Variants in P4HTM observed in about 807,000 individuals in gnomAD.
The protein encoded by P4HTM is prolyl 4-hydroxylase, transmembrane, also known as transmembrane prolyl 4-hydroxylase.
In P4HTM, 33 loss-of-function variants were observed where a neutral mutation model predicts 55.3. The observed-to-expected ratio is 0.60, with a 90% CI of 0.45 to 0.80. The LOEUF (loss-of-function observed/expected upper bound fraction) is 0.80. Ranked by LOEUF, P4HTM falls within the 30% of genes least tolerant of loss-of-function variation. The pLI is 0.00. For missense variants in P4HTM, 542 were observed against 696.5 expected (o/e 0.78, Z 2.50); for synonymous variants, 272 against 286.4 (o/e 0.95, Z 0.51).
rs1364859164 is a variant in P4HTM, at chr3:49,002,735, G to A, written c.724+139G>A. Reference sequence around the variant, plus strand: ...CTTTATAGTGGCCAGAGATGGGGAGGTGAAGATCCAGCCTTGCTTTTTACC... The same window carrying A: ...CTTTATAGTGGCCAGAGATGGGGAGATGAAGATCCAGCCTTGCTTTTTACC... On this transcript the variant is annotated intron_variant, in intron 4 of 8. Transcript: ENST00000383729. The surrounding 1 kb of genome is among the most constrained non-coding windows in gnomAD (Gnocchi z 4.4). The A allele has an allele frequency of 1.2e-5, 9 of 737,740 alleles. No homozygotes were observed. In the East Asian group the frequency reaches 2.1e-4, roughly 17 times the overall value. The allele number at this position is 737,740 out of a possible 1,614,324, so 45.7% of individuals were successfully genotyped here.
intron 5 of P4HTM, 99 bp from the exon 6 acceptor site, chr3:49,004,762 G>T: frequency 7.9e-7 from 1 of 1,273,578 alleles, no homozygotes; most frequent in Non-Finnish European, 1.1e-6. Flanking sequence ...GAGGTGGGTA[G>T]GGGCAAAGCT....
intron 2 of P4HTM, 114 bp downstream of exon 2, chr3:48,991,028 C>A: frequency 4.0e-6 from 3 of 747,360 alleles, no homozygotes; most frequent in Non-Finnish European, 4.6e-6. Flanking sequence ...CAGAGCAGCC[C>A]TTCCAGAGGA....
intron 6 of P4HTM, chr3:49,005,430 A>G: frequency 7.2e-7 from 1 of 1,391,658 alleles, no homozygotes; most frequent in East Asian, 2.7e-5. Flanking sequence ...TTTCCTCTTC[A>G]GGTGGCTGTT....
intron 2 of P4HTM, chr3:48,998,274 CA>C (rs2092951486): frequency 6.6e-6 from 1 of 152,294 alleles, no homozygotes; most frequent in South Asian, 2.1e-4. Context: ...GATGGCTGGC[CA>C]GGGGTAGCTG....
chr3:49,004,985 A>G lies in P4HTM; in HGVS notation c.1012A>G (p.Thr338Ala), dbSNP rs1245218502. ...HVDSGPVYPE[T>A]ICSHTKLVAN... ...GGACAGTGGGCCTGTGTACCCAGAGACCATCTGCTCCCATACCAAGCTGGT... is the reference window on the plus strand; with the variant it reads ...GGACAGTGGGCCTGTGTACCCAGAGGCCATCTGCTCCCATACCAAGCTGGT... The change falls in exon 6 of 9, where the codon ACC becomes GCC. Residue 338 changes from threonine to alanine, a missense_variant. Thr to Ala is a moderately conservative substitution (Grantham distance 58, BLOSUM62 0). This residue lies in a region of P4HTM where 536 missense variants were observed against 672.1 expected (regional missense o/e 0.80). Coordinates refer to ENST00000383729, the MANE Select transcript of P4HTM (RefSeq NM_177939.3). 1 of 1,614,038 alleles carries G rather than the reference A, an allele frequency of 6.2e-7. No individual in the cohort carries two copies.
intron 2 of P4HTM, among the ~76,000 whole-genome samples, chr3:48,993,177 C>G (rs554159657): frequency 1.1e-4 from 16 of 152,110 alleles, no homozygotes; most frequent in African/African-American, 3.9e-4. Context: ...TGGCACATGC[C>G]TGTAATCCCA....
At chr3:49,001,000 C>T (rs968268258) in intron 2 of P4HTM, 3 of 269,364 alleles carry the variant, frequency 1.1e-5, no homozygotes, top group African/African-American at 6.6e-5. Context: ...ATGTCTTGTG[C>T]TGTTTTTATT....
Position 49,004,884 on chromosome 3 carries a change from C to A in P4HTM, c.911C>A (p.Ser304Ter), listed in dbSNP as rs568151159. The A allele has an allele frequency of 6.2e-7, 1 of 1,610,798 alleles. No homozygotes were observed. The highest frequency in any genetic ancestry group is 1.1e-5 in the South Asian group (1 of 91,042). The change falls in exon 6 of 9, where the codon TCG becomes TAG. Residue 304 changes from serine to a stop codon, truncating the protein, a stop_gained. Coordinates refer to ENST00000383729, the MANE Select transcript of P4HTM (RefSeq NM_177939.3). LOFTEE classifies it high-confidence loss of function. ...RQRVLRLTRLSPEIVELSEPL... is the reference protein window; with the variant it reads ...RQRVLRLTRL ...AGGGTGCTGCGCCTCACTCGCCTGTCGCCTGAGATCGTGGAGCTCAGCGAG... is the reference window on the plus strand; with the variant it reads ...AGGGTGCTGCGCCTCACTCGCCTGTAGCCTGAGATCGTGGAGCTCAGCGAG...
At position 49,006,863 on chromosome 3, in the gene P4HTM, T is replaced by C. The variant is rs965396712; in HGVS notation, c.1465T>C (p.Trp489Arg). 6.2e-7 allele frequency: 1 copy of C among 1,613,008 alleles called. No individual in the cohort carries two copies. The highest frequency in any genetic ancestry group is 8.5e-7 in the Non-Finnish European group (1 of 1,179,956). ...REGGTDSQPE[W>R]ALDRAYRDAR... ...AGGGGGCACCGACTCACAGCCCGAGTGGGCTCTGGACCGGGCCTACCGCGA... is the reference window on the plus strand; with the variant it reads ...AGGGGGCACCGACTCACAGCCCGAGCGGGCTCTGGACCGGGCCTACCGCGA... The change falls in exon 9 of 9, where the codon TGG becomes CGG. Residue 489 changes from tryptophan to arginine, a missense_variant. Around this residue, in one of 2 missense-constraint regions of P4HTM, gnomAD observed 536 missense variants for 672.1 expected, o/e 0.80. Coordinates refer to ENST00000383729, the MANE Select transcript of P4HTM (RefSeq NM_177939.3).
chr3:48,994,359 T>C (rs1429788743), intron 2 of P4HTM, among the ~76,000 whole-genome samples: 2 of 152,184 alleles, frequency 1.3e-5, no homozygotes, highest in African/African-American at 4.8e-5. Context: ...AGATGTGAGC[T>C]GGGGCAAGGG....
intron 5 of P4HTM, 161 bp from the exon 6 acceptor site, chr3:49,004,700 C>A (rs1350967390): frequency 5.9e-6 from 4 of 676,828 alleles, no homozygotes; most frequent in Admixed American, 5.1e-5. Context: ...CATGAGTAAC[C>A]CCCTCCTGCT....
intron 2 of P4HTM, chr3:48,997,458 C>G (rs919597947): frequency 1.3e-5 from 2 of 152,342 alleles, no homozygotes; most frequent in African/African-American, 4.8e-5. Context: ...TCTTCAGCAC[C>G]TCTAGTCTGG....
At chr3:48,998,231 A>G (rs2092951348) in intron 2 of P4HTM, 1 of 152,224 alleles carries the variant, frequency 6.6e-6, no homozygotes, top group Admixed American at 6.5e-5. Context: ...TGATACAGAG[A>G]TCATGGCCCA....
At chr3:48,992,843 T>C (rs943570432) in intron 2 of P4HTM, among the ~76,000 whole-genome samples, 2 of 151,220 alleles carry the variant, frequency 1.3e-5, no homozygotes, top group African/African-American at 4.8e-5. Context: ...TTTTTTGCAT[T>C]TTTAGTAGAG....
chr3:48,990,994 C>T lies in P4HTM; in HGVS notation c.436+80C>T. 14 of 1,076,450 alleles carry T rather than the reference C, an allele frequency of 1.3e-5. No individual in the cohort carries two copies. The highest frequency in any genetic ancestry group is 1.8e-5 in the Non-Finnish European group (13 of 712,730). The allele number at this position is 1,076,450 out of a possible 1,614,324, so 66.7% of individuals were successfully genotyped here. On this transcript the variant is annotated intron_variant, in intron 2 of 8. Coordinates refer to ENST00000383729, the MANE Select transcript of P4HTM (RefSeq NM_177939.3). This position sits in a 1 kb window ranked among gnomAD's most constrained non-coding sequence, Gnocchi z 7.2. ...CTTGAGGCTCGTTGTGACCACGTGA[C>T]CTCTATTTTGAAAATGGCTGCTTCA...
intron 8 of P4HTM, 55 bp downstream of exon 8, chr3:49,006,242 C>T (rs2092980688): frequency 1.3e-6 from 2 of 1,568,154 alleles, no homozygotes; most frequent in Non-Finnish European, 8.7e-7. Context: ...CTTCCCTTTA[C>T]CCAGCCCCCG....
intron 2 of P4HTM, chr3:48,991,162 G>A (rs2106640961): frequency 2.1e-6 from 1 of 487,372 alleles, no homozygotes; most frequent in East Asian, 3.3e-5. Context: ...GTGTCTAAAC[G>A]TTTCATTGCA....
chr3:48,990,710 C>T lies in P4HTM; in HGVS notation c.354+100C>T. Reference sequence around the variant, plus strand: ...TCCCCACGCTGCCCCCGGCGCTGCTCTGCGTCGGTCCCGCGCGCTCCCACT... The same window carrying T: ...TCCCCACGCTGCCCCCGGCGCTGCTTTGCGTCGGTCCCGCGCGCTCCCACT... On this transcript the variant is annotated intron_variant, in intron 1 of 8. Transcript: ENST00000383729. This position sits in a 1 kb window ranked among gnomAD's most constrained non-coding sequence, Gnocchi z 7.2. The T allele has an allele frequency of 6.8e-7, 1 of 1,469,042 alleles. No homozygotes were observed. The highest frequency in any genetic ancestry group is 9.1e-7 in the Non-Finnish European group (1 of 1,094,002). 91.0% of individuals were successfully genotyped at this position (1,469,042 alleles called of 1,614,324 possible).
rs1471285254 is a variant in P4HTM, at chr3:48,999,472, C to T, written c.437-1966C>T. The T allele has an allele frequency of 6.0e-6, 1 of 167,560 alleles. No homozygotes were observed. Among genetic ancestry groups the T allele is most frequent in the Non-Finnish European group, 1.5e-5 (1 of 68,500 alleles). The allele number at this position is 167,560 out of a possible 1,614,324, so 10.4% of individuals were successfully genotyped here. On this transcript the variant is annotated intron_variant, in intron 2 of 8. Transcript: ENST00000383729. The surrounding 1 kb of genome is among the most constrained non-coding windows in gnomAD (Gnocchi z 4.8). ...ATGCAGCCCCAGGGAGCCCCTGACC[C>T]TGCTGTCATCCCACAGCATCACCAG...
Sources: allele counts gnomAD v4.1 joint callset (sites outside exome capture counted in the v4.1 genomes callset), GRCh38; gene constraint gnomAD v4.1.1; regional missense constraint gnomAD v4.1.1; non-coding constraint Gnocchi (gnomAD v3.1); transcripts MANE v1.5; gene names NCBI Gene and HGNC (gene_info 2026-07-23, HGNC 2026-07-21).